Variants in CDH11 observed in about 807,000 individuals in gnomAD.
CDH11 encodes the protein cadherin 11.
A neutral mutation model predicts 67.8 loss-of-function variants in CDH11; 11 were observed. The observed-to-expected ratio is 0.16, with a 90% CI of 0.10 to 0.27. The LOEUF (loss-of-function observed/expected upper bound fraction) is 0.27. Ranked by LOEUF, CDH11 falls within the 10% of genes least tolerant of loss-of-function variation. CDH11 has a pLI of 1.00. For synonymous variants in CDH11, 419 were observed against 400.0 expected (o/e 1.05, Z -0.57); for missense variants, 847 against 1,031.2 (o/e 0.82, Z 2.45).
chr16:64,948,813 A>G (rs1389139601), intron 12 of CDH11: 3 of 1,519,264 alleles, frequency 2.0e-6, no homozygotes, highest in Non-Finnish European at 1.8e-6. Flanking sequence ...AGAGTCATTT[A>G]TAAGGAAAGT....
chr16:64,958,103 T>G (rs1380370098), intron 11 of CDH11, among the ~76,000 whole-genome samples: 1 of 152,204 alleles, frequency 6.6e-6, no homozygotes, highest in African/African-American at 2.4e-5. Flanking sequence ...ATGTCTGACC[T>G]CTTCACCAGA....
intron 4 of CDH11, among the ~76,000 whole-genome samples, chr16:64,993,488 T>C (rs752679331): frequency 4.6e-5 from 7 of 152,178 alleles, no homozygotes; most frequent in Non-Finnish European, 1.0e-4. Context: ...AATAAATACA[T>C]CATTTTATTG....
At chr16:64,950,673 C>G in intron 12 of CDH11, 94 bp downstream of exon 12, 1 of 1,264,438 alleles carries the variant, frequency 7.9e-7, no homozygotes, top group Non-Finnish European at 1.0e-6. Flanking sequence ...ATAACAGGGT[C>G]CTGGTTACCA....
intron 1 of CDH11, among the ~76,000 whole-genome samples, chr16:65,075,719 C>G (rs996174027): frequency 1.3e-5 from 2 of 152,176 alleles, no homozygotes; most frequent in African/African-American, 4.8e-5. Flanking sequence ...AGGATGCCAT[C>G]CCTAGACAAT....
chr16:65,028,039 GA>G (rs2142606516), intron 2 of CDH11, among the ~76,000 whole-genome samples: 1 of 152,292 alleles, frequency 6.6e-6, no homozygotes, highest in East Asian at 1.9e-4. Context: ...ACTTCACTAA[GA>G]AGGAAGAAAA....
rs766587310 is a variant in CDH11 at position 64,998,680 on chromosome 16, G to A, written c.405C>T (p.Thr135=). ...CCGACGGTGGCTCCAGTGGCCGATT[G>A]GTGTCCCTGTCCACCGCCTGAGCCA... ...TLMAQAVDRD[T]NRPLEPPSEF... Residue 135 remains threonine (T), a synonymous_variant, in exon 4 of 13, where the codon ACC becomes ACT. Coordinates refer to ENST00000268603, the MANE Select transcript of CDH11 (RefSeq NM_001797.4). The A allele has an allele frequency of 6.2e-7, 1 of 1,613,888 alleles. No individual in the cohort carries two copies. Among genetic ancestry groups the A allele is most frequent in the Non-Finnish European group, 8.5e-7 (1 of 1,180,002 alleles).
intron 11 of CDH11, among the ~76,000 whole-genome samples, chr16:64,967,065 T>C (rs1487226724): frequency 6.6e-6 from 1 of 152,176 alleles, no homozygotes; most frequent in Non-Finnish European, 1.5e-5. Context: ...TGCCAATGAT[T>C]AAAAAGAGTA....
At chr16:65,083,722 CA>C (rs1297239019) in intron 1 of CDH11, among the ~76,000 whole-genome samples, 4 of 152,326 alleles carry the variant, frequency 2.6e-5, no homozygotes, top group South Asian at 2.1e-4. Flanking sequence ...CATCAGACAT[CA>C]GGGGTGGCTG....
intron 2 of CDH11, among the ~76,000 whole-genome samples, chr16:65,031,959 A>G (rs557540981): frequency 6.6e-6 from 1 of 152,258 alleles, no homozygotes; most frequent in Non-Finnish European, 1.5e-5. Flanking sequence ...AGCCCTTAGG[A>G]CATGGAAGAA....
intron 12 of CDH11, 124 bp downstream of exon 12, chr16:64,950,643 C>G: frequency 5.7e-6 from 3 of 524,568 alleles, no homozygotes; most frequent in South Asian, 3.6e-5. Flanking sequence ...CACTTCTTTT[C>G]TTGAACTGTG....
rs570406584 is a variant in CDH11 at position 65,045,588 on chromosome 16, T to C, written c.-173+8216A>G. 2.0e-5 allele frequency among the ~76,000 whole-genome samples: 3 copies of C among 151,940 alleles called. No individual in the cohort carries two copies. In the East Asian group the frequency reaches 5.8e-4, roughly 30 times the overall value. On this transcript the variant is annotated intron_variant, in intron 2 of 12. Coordinates refer to ENST00000268603, the MANE Select transcript of CDH11 (RefSeq NM_001797.4). The stretch of plus-strand genomic sequence containing the variant: ...TAGCTCGTTCCCTTTACTTCCCTGA[T>C]TTATCTAATTGCCTTGAGCTCTGAG...
intron 11 of CDH11, 59 bp from the exon 12 acceptor site, chr16:64,951,077 C>T: frequency 6.4e-7 from 1 of 1,556,244 alleles, no homozygotes; most frequent in South Asian, 1.2e-5. Context: ...ATCACAGCGG[C>T]TCTCTGCTCG....
chr16:65,029,919 G>A (rs959961516), intron 2 of CDH11, among the ~76,000 whole-genome samples: 1 of 152,168 alleles, frequency 6.6e-6, no homozygotes, highest in Non-Finnish European at 1.5e-5. Context: ...TTGATAAAAT[G>A]ATCTCAGTAT....
intron 1 of CDH11, among the ~76,000 whole-genome samples, chr16:65,096,433 GTGTGTGTGTGTATATATATGTTTATATA>G (rs1244940996): frequency 2.1e-5 from 3 of 144,040 alleles, no homozygotes; most frequent in Non-Finnish European, 4.5e-5. Context: ...GTGTGTGTGT[GTGTGTGTGTGTATATATATGTTTATATA>G]TGTGTGTATA....
chr16:65,054,208 C>T (rs1156344635), intron 1 of CDH11, among the ~76,000 whole-genome samples: 1 of 152,204 alleles, frequency 6.6e-6, no homozygotes, highest in African/African-American at 2.4e-5. Flanking sequence ...TTATAACATG[C>T]TGTGTCATTC....
At chr16:65,091,556 T>A (rs936543766) in intron 1 of CDH11, among the ~76,000 whole-genome samples, 1 of 147,230 alleles carries the variant, frequency 6.8e-6, no homozygotes, top group Non-Finnish European at 1.5e-5. Context: ...GGCCTTTCCT[T>A]TTTTTTTTTT....
chr16:65,049,504 A>G (rs148136782), intron 2 of CDH11, among the ~76,000 whole-genome samples: 1 of 152,314 alleles, frequency 6.6e-6, no homozygotes, highest in African/African-American at 2.4e-5. Flanking sequence ...GACGTCAAAC[A>G]AGATAATAAA....
At chr16:64,977,144 G>A (rs2072194712) in intron 8 of CDH11, among the ~76,000 whole-genome samples, 1 of 152,164 alleles carries the variant, frequency 6.6e-6, no homozygotes, top group Admixed American at 6.5e-5. Flanking sequence ...AGTCTTCAGT[G>A]AACCATGATG....
chr16:64,981,422 ATT>A (rs10573072), intron 8 of CDH11: 108,830 of 151,784 alleles, frequency 0.72, 41,250 homozygotes, highest in East Asian at 1. Flanking sequence ...TCTGGATCAC[ATT>A]TTTTTTGTCA....
Sources: gnomAD v4.1 joint callset for allele counts (sites outside exome capture counted in the v4.1 genomes callset) on GRCh38, gnomAD v4.1.1 for gene constraint, MANE v1.5 for transcripts, NCBI Gene and HGNC (gene_info 2026-07-23, HGNC 2026-07-21) for gene names.